The following FBXL17 variants were observed in gnomAD, a reference collection of about 807,000 sequenced individuals.
The protein encoded by FBXL17 is F-box and leucine rich repeat protein 17, also known as F-box/LRR-repeat protein 17.
In FBXL17, 22 loss-of-function variants were observed where a neutral mutation model predicts 66.2. That is an observed-to-expected ratio of 0.33 (90% CI 0.24 to 0.47). The LOEUF is 0.47. Ranked by LOEUF, FBXL17 falls within the 20% of genes least tolerant of loss-of-function variation. FBXL17 has a pLI of 1.00. For missense variants in FBXL17, 878 were observed against 948.2 expected (o/e 0.93, Z 0.97); for synonymous variants, 474 against 400.5 (o/e 1.18, Z -2.19).
intron 5 of FBXL17, among the ~76,000 whole-genome samples, chr5:108,202,555 C>A (rs1237332436): frequency 6.6e-6 from 1 of 152,050 alleles, no homozygotes; most frequent in Admixed American, 6.6e-5. Flanking sequence ...CCAAGACTCC[C>A]AGGGGATGCC....
rs1461801161 is a variant in FBXL17 at position 108,380,679 on chromosome 5, C to A, written c.993+20G>T. On this transcript the variant is annotated intron_variant, in intron 1 of 8. Coordinates refer to ENST00000542267, the MANE Select transcript of FBXL17 (RefSeq NM_001163315.3). Reference sequence around the variant, plus strand: ...GGGTGGGGGAAAGCGAGCATCCCTGCGCCTCTCGCCCAGACCCACCTTGAG... The same window carrying A: ...GGGTGGGGGAAAGCGAGCATCCCTGAGCCTCTCGCCCAGACCCACCTTGAG... The A allele has an allele frequency of 8.0e-7, 1 of 1,246,368 alleles. No individual in the cohort carries two copies. The highest frequency in any genetic ancestry group is 1.0e-6 in the Non-Finnish European group (1 of 986,552). 77.2% of individuals were successfully genotyped at this position (1,246,368 alleles called of 1,614,324 possible).
chr5:108,064,537 T>C (rs971516545), intron 6 of FBXL17, among the ~76,000 whole-genome samples: 16 of 152,288 alleles, frequency 1.1e-4, no homozygotes, highest in African/African-American at 3.8e-4. Context: ...GTCACTACAG[T>C]CAGGGCCTAG....
rs551521442 is a variant in FBXL17 at position 107,898,103 on chromosome 5, A to G, written c.1823-16924T>C. 2.6e-5 allele frequency among the ~76,000 whole-genome samples: 4 copies of G among 152,316 alleles called. No homozygotes were observed. In the South Asian group the frequency reaches 8.3e-4, roughly 32 times the overall value. Reference sequence around the variant, plus strand: ...AGAAGAAGCTGTGAAGGAAACAAATAGACATTAGACAATCTGGCAGAAGGG... The same window carrying G: ...AGAAGAAGCTGTGAAGGAAACAAATGGACATTAGACAATCTGGCAGAAGGG... On this transcript the variant is annotated intron_variant, in intron 7 of 8. Transcript: ENST00000542267.
At chr5:108,255,215 A>T (rs975054002) in intron 4 of FBXL17, among the ~76,000 whole-genome samples, 1 of 152,216 alleles carries the variant, frequency 6.6e-6, no homozygotes, top group African/African-American at 2.4e-5. Flanking sequence ...TAATCATAGC[A>T]GAATATAATT....
chr5:107,969,251 G>A (rs1464622490), intron 7 of FBXL17, among the ~76,000 whole-genome samples: 10 of 152,100 alleles, frequency 6.6e-5, no homozygotes, highest in Non-Finnish European at 2.9e-5. Flanking sequence ...TTTCCATACC[G>A]CATGGGGTAC....
chr5:107,894,745 C>T (rs1749316162), intron 7 of FBXL17, among the ~76,000 whole-genome samples: 1 of 151,978 alleles, frequency 6.6e-6, no homozygotes, highest in African/African-American at 2.4e-5. Flanking sequence ...ATTACACATG[C>T]TTTTAAAAAT....
At position 108,380,585 on chromosome 5, in the gene FBXL17, G is replaced by A. The variant is rs575041975; in HGVS notation, c.993+114C>T. ...CCAGTCTCCCCTTGGGACGTCCCTA[G>A]GCTGCCAGGGAACCCCCCTCCTCCG... is the stretch of plus-strand genomic sequence containing the variant. On this transcript the variant is annotated intron_variant, in intron 1 of 8. Transcript: ENST00000542267. 1.4e-4 allele frequency: 85 copies of A among 601,332 alleles called. 1 individual carries two copies. The African/African-American group carries it at 1.6e-3, about 11-fold the overall frequency. 37.2% of individuals were successfully genotyped at this position (601,332 alleles called of 1,614,324 possible). A position where few individuals can be genotyped will look rare whatever the true frequency, so the allele number is the denominator to read the frequency against.
At chr5:108,094,457 G>C (rs1749297604) in intron 6 of FBXL17, among the ~76,000 whole-genome samples, 1 of 152,010 alleles carries the variant, frequency 6.6e-6, no homozygotes, top group Admixed American at 6.6e-5. Flanking sequence ...GCATTATTTG[G>C]AGAAGAAATC....
intron 4 of FBXL17, among the ~76,000 whole-genome samples, chr5:108,235,418 G>A (rs1386095484): frequency 1.3e-5 from 2 of 152,050 alleles, no homozygotes; most frequent in Non-Finnish European, 2.9e-5. Context: ...TATACATTGT[G>A]GTTATCTCTT....
chr5:108,126,684 T>TATATATACAC (rs1313924066), intron 6 of FBXL17, among the ~76,000 whole-genome samples: 1 of 135,546 alleles, frequency 7.4e-6, no homozygotes, highest in South Asian at 2.5e-4. Flanking sequence ...TATATATATA[T>TATATATACAC]ACACACATAC....
intron 7 of FBXL17, among the ~76,000 whole-genome samples, chr5:107,942,457 G>C (rs1751138480): frequency 6.6e-6 from 1 of 152,102 alleles, no homozygotes; most frequent in Non-Finnish European, 1.5e-5. Flanking sequence ...AATAACTACT[G>C]ATGACACACC....
chr5:108,191,748 G>A (rs1255416170), intron 5 of FBXL17, among the ~76,000 whole-genome samples: 1 of 152,128 alleles, frequency 6.6e-6, no homozygotes, highest in Non-Finnish European at 1.5e-5. Flanking sequence ...GATGACACTG[G>A]GATACTTGTG....
chr5:108,137,529 A>G (rs1751185178), intron 6 of FBXL17, among the ~76,000 whole-genome samples: 1 of 152,174 alleles, frequency 6.6e-6, no homozygotes, highest in Non-Finnish European at 1.5e-5. Flanking sequence ...ATAAAGTGGC[A>G]TGCCACTTTT....
At chr5:108,145,957 G>A (rs1047524295) in intron 6 of FBXL17, among the ~76,000 whole-genome samples, 6 of 151,988 alleles carry the variant, frequency 3.9e-5, no homozygotes, top group African/African-American at 4.8e-5. Context: ...AGTGGCTCAC[G>A]CCTTTAATCC....
chr5:108,131,832 T>G (rs1750944948), intron 6 of FBXL17, among the ~76,000 whole-genome samples: 1 of 152,094 alleles, frequency 6.6e-6, no homozygotes, highest in South Asian at 2.1e-4. Flanking sequence ...AATTTCAGGG[T>G]TTTATTTGTA....
intron 4 of FBXL17, among the ~76,000 whole-genome samples, chr5:108,319,747 ATTTATT>A (rs1316279852): frequency 1.3e-5 from 2 of 151,752 alleles, no homozygotes; most frequent in African/African-American, 4.8e-5. Flanking sequence ...CAATTTAACA[ATTTATT>A]TTTAACTATA....
intron 7 of FBXL17, among the ~76,000 whole-genome samples, chr5:107,946,255 TTATATATATATATATATA>T (rs55643516): frequency 0.022 from 903 of 40,386 alleles, 37 homozygotes; most frequent in East Asian, 0.13. Flanking sequence ...CAATCTCATT[TTATATATATATATATATA>T]TATATATATA....
intron 7 of FBXL17, among the ~76,000 whole-genome samples, chr5:107,939,731 T>G (rs1027265916): frequency 6.6e-6 from 1 of 152,144 alleles, no homozygotes; most frequent in Non-Finnish European, 1.5e-5. Flanking sequence ...TCTCTTGCTA[T>G]AGCATATCCT....
At chr5:108,175,174 T>G (rs1412400430) in intron 6 of FBXL17, among the ~76,000 whole-genome samples, 29 of 152,130 alleles carry the variant, frequency 1.9e-4, no homozygotes. Flanking sequence ...ACGAATGTAT[T>G]AAATTAATCC....
Sources: allele counts gnomAD v4.1 joint callset (sites outside exome capture counted in the v4.1 genomes callset), GRCh38; gene constraint gnomAD v4.1.1; transcripts MANE v1.5; gene names NCBI Gene and HGNC (gene_info 2026-07-23, HGNC 2026-07-21).